SIN3B: variants seen among roughly 807,000 people sequenced by gnomAD.
The protein encoded by SIN3B is paired amphipathic helix protein Sin3b.
SIN3B carries 19 observed loss-of-function variants against 120.2 expected under a neutral mutation model. That is an observed-to-expected ratio of 0.16 (90% confidence interval 0.11 to 0.23). SIN3B has a LOEUF of 0.23. Among genes scored for constraint, SIN3B ranks in the 10% least tolerant of loss-of-function variants. The pLI, the probability that SIN3B is intolerant of heterozygous loss-of-function variation, is 1.00. For missense variants in SIN3B, 1,073 were observed against 1,573.0 expected, an observed-to-expected ratio of 0.68 and a Z score of 5.38; for synonymous variants, 654 against 653.2, an observed-to-expected ratio of 1.00 and a Z score of -0.02.
chr19:16,870,161 T>C, intron 13 of SIN3B, 86 bp downstream of exon 13: 6 of 1,316,100 alleles, frequency 4.6e-6, no homozygotes, highest in Non-Finnish European at 6.1e-6. Context: ...CCTGTTACTT[T>C]TCTTTCTGGC....
At chr19:16,877,134 A>G (rs2144634842) in intron 16 of SIN3B, 1 of 230,676 alleles carries the variant, frequency 4.3e-6, no homozygotes, top group South Asian at 6.8e-5. Flanking sequence ...AACCCCATTC[A>G]TTTCCTGGGG....
In SIN3B at chr19:16,877,507, G is replaced by A. The variant is rs1467471899; in HGVS notation, c.2860-38G>A. On this transcript the variant is annotated intron_variant, in intron 16 of 18. Transcript: ENST00000248054. ...GAGTAAGAGTGGCCATAGCCCTGCT[G>A]TAGGGGCATCACGGGCTGTGTCTCT... is the stretch of plus-strand genomic sequence containing the variant. 4 of 1,468,206 alleles carry A rather than the reference G, an allele frequency of 2.7e-6. No individual in the cohort carries two copies. The Admixed American group carries it at 5.7e-5, about 21-fold the overall frequency. The allele number at this position is 1,468,206 out of a possible 1,614,324, so 90.9% of individuals were successfully genotyped here. A position where few individuals can be genotyped will look rare whatever the true frequency, so the allele number is the denominator to read the frequency against.
At position 16,853,070 on chromosome 19, in the gene SIN3B, A is replaced by G. The variant is rs1458737122; in HGVS notation, c.851A>G (p.Lys284Arg). Reference sequence around the variant, plus strand: ...ACTGCATAGAATTTCTCCCCACAGAAAAAAATGAAACTTCGTGGTACCAAA... The same window carrying G: ...ACTGCATAGAATTTCTCCCCACAGAGAAAAATGAAACTTCGTGGTACCAAA... ...LLRPVSAPAK[K>R]KMKLRGTKDL... Residue 284 changes from lysine (K) to arginine (R), a missense_variant and splice_region_variant, in exon 7 of 19, where the codon AAA (lysine) becomes AGA (arginine). Physicochemically the swap from Lys to Arg is conservative, Grantham distance 26. Transcript: ENST00000248054. The G allele has an allele frequency of 1.2e-6, 2 of 1,613,992 alleles. No individual in the cohort carries two copies. The highest frequency in any genetic ancestry group is 1.1e-5 in the South Asian group (1 of 91,078).
chr19:16,844,729 C>T (rs1425621588), intron 4 of SIN3B, among the ~76,000 whole-genome samples: 2 of 152,258 alleles, frequency 1.3e-5, no homozygotes, highest in Non-Finnish European at 2.9e-5. Flanking sequence ...AGCGCCGTTA[C>T]GCGCATATTA....
intron 3 of SIN3B, among the ~76,000 whole-genome samples, chr19:16,834,700 A>C (rs1213611162): frequency 1.3e-5 from 2 of 152,102 alleles, no homozygotes; most frequent in African/African-American, 4.8e-5. Context: ...AGGTGCTGTC[A>C]GGTTTCCAGC....
intron 8 of SIN3B, among the ~76,000 whole-genome samples, chr19:16,857,300 T>A (rs1972462135): frequency 6.6e-6 from 1 of 152,226 alleles, no homozygotes; most frequent in South Asian, 2.1e-4. Context: ...ACGATTCTGA[T>A]GTTCTGTTTA....
At chr19:16,850,384 T>C (rs1182579066) in intron 5 of SIN3B, among the ~76,000 whole-genome samples, 1 of 152,212 alleles carries the variant, frequency 6.6e-6, no homozygotes, top group Non-Finnish European at 1.5e-5. Context: ...CAAATACTTT[T>C]TACAAAGCGA....
intron 12 of SIN3B, among the ~76,000 whole-genome samples, chr19:16,867,582 A>C (rs1282961391): frequency 6.6e-6 from 1 of 152,224 alleles, no homozygotes; most frequent in East Asian, 1.9e-4. Context: ...GGCAGTGCCC[A>C]GATCATGGCA....
In SIN3B at chr19:16,866,382, C is replaced by T; in HGVS notation, c.1632C>T (p.Ala544=). The T allele has an allele frequency of 1.9e-6, 3 of 1,612,214 alleles. No individual in the cohort carries two copies. The highest frequency in any genetic ancestry group is 2.5e-6 in the Non-Finnish European group (3 of 1,179,154). ...AVPVVLKRLK[A]KEEEWREAQQ... ...TCTCTTCCCCCCGCAGACTGAAGGC[C>T]AAGGAAGAGGAGTGGCGGGAGGCCC... The change falls in exon 12 of 19, where the codon GCC becomes GCT. Residue 544 remains alanine (A), a synonymous_variant. Coordinates refer to ENST00000248054, the MANE Select transcript of SIN3B (RefSeq NM_001297595.2).
intron 3 of SIN3B, among the ~76,000 whole-genome samples, chr19:16,833,179 C>T (rs1971301218): frequency 6.6e-6 from 1 of 152,202 alleles, no homozygotes; most frequent in East Asian, 1.9e-4. Flanking sequence ...GTGTCAGAAT[C>T]TACTGCTGGA....
At chr19:16,863,659 C>G (rs750828265) in intron 9 of SIN3B, 21 bp from the exon 10 acceptor site, 11 of 1,510,540 alleles carry the variant, frequency 7.3e-6, no homozygotes, top group Non-Finnish European at 1.0e-5. Context: ...GCGTCATTCA[C>G]GGCATTTCCT....
At chr19:16,838,562 G>A (rs1403354211) in intron 3 of SIN3B, among the ~76,000 whole-genome samples, 3 of 152,138 alleles carry the variant, frequency 2.0e-5, no homozygotes, top group South Asian at 4.1e-4. Flanking sequence ...ACCACATTTC[G>A]CATGCCCACT....
chr19:16,844,704 C>T (rs1054331611), intron 4 of SIN3B, among the ~76,000 whole-genome samples: 1 of 152,230 alleles, frequency 6.6e-6, no homozygotes, highest in African/African-American at 2.4e-5. Flanking sequence ...AAGATAGGCA[C>T]CGACTCTAAA....
At chr19:16,832,499 CCTT>C (rs1383763616) in intron 3 of SIN3B, among the ~76,000 whole-genome samples, 1 of 145,974 alleles carries the variant, frequency 6.9e-6, no homozygotes, top group Admixed American at 6.9e-5. Context: ...TGCCCAGCCT[CCTT>C]TTTTTTTTTT....
intron 12 of SIN3B, among the ~76,000 whole-genome samples, chr19:16,867,668 A>C (rs1186678326): frequency 6.6e-6 from 1 of 152,136 alleles, no homozygotes; most frequent in Non-Finnish European, 1.5e-5. Flanking sequence ...TGCTCCTGTC[A>C]CTGCACAGTG....
intron 10 of SIN3B, among the ~76,000 whole-genome samples, chr19:16,864,644 C>CT (rs1166931934): frequency 6.6e-6 from 1 of 150,816 alleles, no homozygotes; most frequent in East Asian, 2.0e-4. Context: ...TTTTTTTTTC[C>CT]TTTTTTTAGA....
At position 16,851,528 on chromosome 19, in the gene SIN3B, C is replaced by T. The variant is rs746431913; in HGVS notation, c.843C>T (p.Pro281=). The T allele has an allele frequency of 1.1e-5, 17 of 1,596,764 alleles. No individual in the cohort carries two copies. The African/African-American group carries it at 1.8e-4, about 16-fold the overall frequency. Residue 281 remains proline, a synonymous_variant, in exon 6 of 19, where the codon CCC becomes CCT. Coordinates refer to ENST00000248054, the MANE Select transcript of SIN3B (RefSeq NM_001297595.2). Reference sequence around the variant, plus strand: ...CGCTCCTCCGCCCCGTGTCTGCACCCGCCAAGGTACCTGTGAGCCACATGC... The same window carrying T: ...CGCTCCTCCGCCCCGTGTCTGCACCTGCCAAGGTACCTGTGAGCCACATGC... ...RPSLLRPVSA[P]AKKKMKLRGT... is the part of the protein sequence containing the mutation.
chr19:16,876,471 G>A lies in SIN3B; in HGVS notation c.2767-15G>A, dbSNP rs375743126. The A allele has an allele frequency of 1.7e-4, 280 of 1,609,964 alleles. No individual in the cohort carries two copies. The Middle Eastern group carries it at 2.5e-3, about 14-fold the overall frequency. ...TGTGCCGGCAGTGGAGGCTGTCAGC[G>A]TTCCTGCTCCGCAGGTGATGTTCCT... On this transcript the variant is annotated splice_polypyrimidine_tract_variant and intron_variant, in intron 15 of 18. Coordinates refer to ENST00000248054, the MANE Select transcript of SIN3B (RefSeq NM_001297595.2). This position sits in a 1 kb window ranked among gnomAD's most constrained non-coding sequence, Gnocchi z 7.1.
chr19:16,865,716 C>T (rs1971762703), intron 11 of SIN3B, 68 bp downstream of exon 11: 17 of 1,041,844 alleles, frequency 1.6e-5, no homozygotes, highest in Admixed American at 4.2e-5. Flanking sequence ...CCTCCCCTCC[C>T]CTCCCCACTG....
Sources: allele counts gnomAD v4.1 joint callset (sites outside exome capture counted in the v4.1 genomes callset), GRCh38; gene constraint gnomAD v4.1.1; non-coding constraint Gnocchi (gnomAD v3.1); transcripts MANE v1.5; gene names NCBI Gene and HGNC (gene_info 2026-07-23, HGNC 2026-07-21).